PANK4: variants seen among roughly 807,000 people sequenced by gnomAD.
PANK4 encodes the protein pantothenate kinase 4 (inactive).
Under a neutral mutation model 87.9 loss-of-function variants are expected in PANK4, and 40 were observed. That is an observed-to-expected ratio of 0.46 (90% CI 0.35 to 0.59). The LOEUF is 0.59. Among genes scored for constraint, PANK4 ranks in the 20% least tolerant of loss-of-function variants. The probability of loss-of-function intolerance (pLI) is 0.00; values close to 1 mark genes in which losing one functional copy is unlikely to be tolerated. For missense variants in PANK4, 926 were observed against 1,072.3 expected, an observed-to-expected ratio of 0.86 and a Z score of 1.90; for synonymous variants, 524 against 467.4, an observed-to-expected ratio of 1.12 and a Z score of -1.56.
At chr1:2,518,655 G>C (rs375867412) in intron 7 of PANK4, 58 bp from the exon 8 acceptor site, 2 of 1,402,372 alleles carry the variant, frequency 1.4e-6, no homozygotes, top group Admixed American at 2.0e-5. Context: ...CGGTGCCTCC[G>C]CAAACCAGCT....
chr1:2,510,047 C>T lies in PANK4; in HGVS notation c.2039+10G>A. 1 of 1,601,682 alleles carries T rather than the reference C, an allele frequency of 6.2e-7. No individual in the cohort carries two copies. Among genetic ancestry groups the T allele is most frequent in the Non-Finnish European group, 8.5e-7 (1 of 1,172,358 alleles). ...TCAAGGCCCCCCCAGCACTGCCCGC[C>T]AACACTCACTGCACGACAGGGTCCA... On this transcript the variant is annotated intron_variant, in intron 17 of 18. Transcript: ENST00000378466. The surrounding 1 kb of genome is among the most constrained non-coding windows in gnomAD (Gnocchi z 4.9).
chr1:2,521,329 T>C lies in PANK4; in HGVS notation c.208-14A>G. On this transcript the variant is annotated splice_polypyrimidine_tract_variant and intron_variant, in intron 2 of 18. Coordinates refer to ENST00000378466, the MANE Select transcript of PANK4 (RefSeq NM_018216.4). ...ACGTTCTGTGTCCTGGAAAACAGAG[T>C]AGGGGAGGCCGCATGTGTGTGGGAC... The C allele has an allele frequency of 6.2e-7, 1 of 1,600,916 alleles. No individual in the cohort carries two copies. The highest frequency in any genetic ancestry group is 2.2e-5 in the East Asian group (1 of 44,778).
At chr1:2,514,133 A>C (rs1251463412) in intron 11 of PANK4, 44 bp from the exon 12 acceptor site, 2 of 1,492,358 alleles carry the variant, frequency 1.3e-6, no homozygotes, top group South Asian at 2.3e-5. Flanking sequence ...GGCAGGCCGA[A>C]CACCCGCCCG....
At position 2,519,314 on chromosome 1, in the gene PANK4, T is replaced by C; in HGVS notation, c.864A>G (p.Lys288=). The change falls in exon 7 of 19, where the codon AAA becomes AAG. Residue 288 remains lysine (K), a synonymous_variant. Transcript: ENST00000378466. The surrounding 1 kb of genome is among the most constrained non-coding windows in gnomAD (Gnocchi z 8.3). ...GCAGCAGGCTCTTCGCCATGTCTTC[T>C]TTGGAGAACTCTGAGGAAGGGAAGG... is the stretch of plus-strand genomic sequence containing the variant. The part of the protein sequence containing the change: ...KSATADQEFS[K]EDMAKSLLHM... 6.2e-7 allele frequency: 1 copy of C among 1,606,022 alleles called. No individual in the cohort carries two copies. Among genetic ancestry groups the C allele is most frequent in the South Asian group, 1.1e-5 (1 of 90,826 alleles).
intron 13 of PANK4, 68 bp downstream of exon 13, chr1:2,512,820 C>A: frequency 1.3e-6 from 2 of 1,533,934 alleles, no homozygotes; most frequent in Non-Finnish European, 1.8e-6. Flanking sequence ...CACCTCCTTG[C>A]CCGCAAGCCT....
chr1:2,514,503 G>A, intron 10 of PANK4, 37 bp from the exon 11 acceptor site: 4 of 1,512,476 alleles, frequency 2.6e-6, no homozygotes, highest in Non-Finnish European at 3.6e-6. Flanking sequence ...GTCAAGCGCT[G>A]GCCCTGCTGC....
At position 2,510,731 on chromosome 1, in the gene PANK4, T is replaced by C. The variant is rs942764661; in HGVS notation, c.1885A>G (p.Ile629Val). ...LIFADNSGID[I>V]ILGVFPFVRE... ...ACAAAGGGGAAGACTCCCAAAATGA[T>C]GTCTATTCCACTGTTATCTGCGAAA... is the stretch of plus-strand genomic sequence containing the variant. Residue 629 changes from isoleucine (I) to valine (V), a missense_variant, in exon 16 of 19, where the codon ATC (isoleucine) becomes GTC (valine). Coordinates refer to ENST00000378466, the MANE Select transcript of PANK4 (RefSeq NM_018216.4). This position sits in a 1 kb window ranked among gnomAD's most constrained non-coding sequence, Gnocchi z 4.9. 2.5e-6 allele frequency: 4 copies of C among 1,612,516 alleles called. No individual in the cohort carries two copies. Among genetic ancestry groups the C allele is most frequent in the Non-Finnish European group, 3.4e-6 (4 of 1,179,294 alleles).
Position 2,509,029 on chromosome 1 carries a change from G to T in PANK4, c.2140C>A (p.Arg714=). 1.9e-6 allele frequency: 3 copies of T among 1,601,834 alleles called. No homozygotes were observed. Among genetic ancestry groups the T allele is most frequent in the Non-Finnish European group, 2.5e-6 (3 of 1,179,308 alleles). ...RLDKGLAALV[R]ERGADLVVIE... ...ACCACCAGATCCGCGCCACGCTCCC[G>T]CACCAGTGCGGCCAGCCCCTTATCC... The change falls in exon 19 of 19, where the codon CGG becomes AGG. Residue 714 remains arginine, a synonymous_variant. Coordinates refer to ENST00000378466, the MANE Select transcript of PANK4 (RefSeq NM_018216.4). This position sits in a 1 kb window ranked among gnomAD's most constrained non-coding sequence, Gnocchi z 4.9.
rs1385533174 is a variant in PANK4 at position 2,520,399 on chromosome 1, T to C, written c.622A>G (p.Arg208Gly). ...VSIVKVETED[R>G]FEWVGGSSIG... ...GAGCTGCCGCCGACCCACTCGAACC[T>C]GTCCTCCGTCTCCACCTGCAACAGA... The change falls in exon 5 of 19, where the codon AGG becomes GGG. Residue 208 changes from arginine to glycine, a missense_variant. Coordinates refer to ENST00000378466, the MANE Select transcript of PANK4 (RefSeq NM_018216.4). This position sits in a 1 kb window ranked among gnomAD's most constrained non-coding sequence, Gnocchi z 6.2. 13 of 1,612,690 alleles carry C rather than the reference T, an allele frequency of 8.1e-6. No homozygotes were observed. The highest frequency in any genetic ancestry group is 2.2e-5 in the South Asian group (2 of 91,084).
At position 2,511,406 on chromosome 1, in the gene PANK4, C is replaced by G. The variant is rs769237994; in HGVS notation, c.1784-19G>C. On this transcript the variant is annotated intron_variant, in intron 14 of 18. Coordinates refer to ENST00000378466, the MANE Select transcript of PANK4 (RefSeq NM_018216.4). ...GGTCTTTCTGAGACAGAGAGAGGGA[C>G]ACATGATTAGCCCGGTGCTCCAGGT... 23 of 1,593,426 alleles carry G rather than the reference C, an allele frequency of 1.4e-5. No homozygotes were observed. Among genetic ancestry groups the G allele is most frequent in the Middle Eastern group, 1.7e-4 (1 of 6,046 alleles).
Position 2,509,914 on chromosome 1 carries a change from C to G in PANK4, c.2056G>C (p.Glu686Gln), listed in dbSNP as rs1274694425. ...DPVVHSALQEERLLLVQTGSS... is the reference protein window; with the variant it reads ...DPVVHSALQEQRLLLVQTGSS... ...CCCGTCTGCACCAGCAGCAGCCTCT[C>G]TTCCTGGAGCGCAGAGCTGCCAGAT... The change falls in exon 18 of 19, where the codon GAG (glutamate) becomes CAG (glutamine). Residue 686 changes from glutamate to glutamine, a missense_variant. Coordinates refer to ENST00000378466, the MANE Select transcript of PANK4 (RefSeq NM_018216.4). The surrounding 1 kb of genome is among the most constrained non-coding windows in gnomAD (Gnocchi z 4.9). 1 of 1,612,260 alleles carries G rather than the reference C, an allele frequency of 6.2e-7. No individual in the cohort carries two copies. The highest frequency in any genetic ancestry group is 8.5e-7 in the Non-Finnish European group (1 of 1,179,820).
At chr1:2,518,310 T>A (rs1643821531) in intron 8 of PANK4, 46 bp from the exon 9 acceptor site, 1 of 1,385,618 alleles carries the variant, frequency 7.2e-7, no homozygotes, top group Middle Eastern at 1.8e-4. Context: ...TTGCCCTTGA[T>A]TCAAAAGCAG....
chr1:2,520,261 C>CG lies in PANK4; in HGVS notation c.699+60dup. ...TTTGCACCGCCCAGCTGCAGGCCTT[C>CG]GGGGGAAGGAAGCAGACATCTCCGC... On this transcript the variant is annotated intron_variant, in intron 5 of 18. Coordinates refer to ENST00000378466, the MANE Select transcript of PANK4 (RefSeq NM_018216.4). The surrounding 1 kb of genome is among the most constrained non-coding windows in gnomAD (Gnocchi z 6.2). 6.7e-7 allele frequency: 1 copy of CG among 1,502,646 alleles called. No homozygotes were observed. 93.1% of individuals were successfully genotyped at this position (1,502,646 alleles called of 1,614,324 possible). A position where few individuals can be genotyped will look rare whatever the true frequency, so the allele number is the denominator to read the frequency against.
intron 9 of PANK4, among the ~76,000 whole-genome samples, chr1:2,516,296 G>A (rs1353006172): frequency 2.0e-5 from 3 of 152,126 alleles, no homozygotes; most frequent in African/African-American, 4.8e-5. Context: ...CTCCCAGCAC[G>A]TTCTGTCCAT....
rs1158469833 is a variant in PANK4, at chr1:2,509,488, T to C, written c.2108+374A>G. 2.0e-5 allele frequency among the ~76,000 whole-genome samples: 3 copies of C among 152,080 alleles called. No individual in the cohort carries two copies. The highest frequency in any genetic ancestry group is 6.5e-5 in the Admixed American group (1 of 15,270). ...GAGGACAGACAGCACCACATACAAT[T>C]GACTAATGACCTCCAGAACCACAGA... On this transcript the variant is annotated intron_variant, in intron 18 of 18. Coordinates refer to ENST00000378466, the MANE Select transcript of PANK4 (RefSeq NM_018216.4). The surrounding 1 kb of genome is among the most constrained non-coding windows in gnomAD (Gnocchi z 4.9).
In PANK4 at chr1:2,514,561, C is replaced by T. The variant is rs1480538390; in HGVS notation, c.1375-95G>A. The T allele has an allele frequency of 3.8e-4, 51 of 135,406 alleles. 1 individual carries two copies. The highest frequency in any genetic ancestry group is 2.9e-3 in the African/African-American group (24 of 8,234). The allele number at this position is 135,406 out of a possible 1,614,324, so 8.4% of individuals were successfully genotyped here. Reference sequence around the variant, plus strand: ...AGGGGGCTCGGGGAAGGGTGGGGGTCGGCCGTGGGGGACTGTCTGGGGCAG... The same window carrying T: ...AGGGGGCTCGGGGAAGGGTGGGGGTTGGCCGTGGGGGACTGTCTGGGGCAG... On this transcript the variant is annotated intron_variant, in intron 10 of 18. Transcript: ENST00000378466.
chr1:2,517,207 T>G (rs1015030524), intron 9 of PANK4, among the ~76,000 whole-genome samples: 2 of 152,172 alleles, frequency 1.3e-5, no homozygotes, highest in Non-Finnish European at 2.9e-5. Context: ...CCCTGCCTAG[T>G]GCTGGCGGTG....
chr1:2,511,242 C>G (rs1280698519), intron 15 of PANK4, 96 bp downstream of exon 15: 81 of 810,438 alleles, frequency 1.0e-4, no homozygotes, highest in Admixed American at 2.1e-4. Context: ...GAGGGGAGGG[C>G]CACCCGAGGC....
In PANK4 at chr1:2,522,943, G is replaced by A. The variant is rs12739231; in HGVS notation, c.125-1143C>T. ...GGTGCTATAGTGACTTAACAGAGGG[G>A]ACCGTGTGGTGTTATAGTGACTTAA... is the stretch of plus-strand genomic sequence containing the variant. On this transcript the variant is annotated intron_variant, in intron 1 of 18. Transcript: ENST00000378466. Among the ~76,000 whole-genome samples, 42 of 40,530 alleles carry A rather than the reference G, an allele frequency of 1.0e-3. 2 individuals are homozygous for A. The East Asian group carries it at 0.026, about 25-fold the overall frequency. The allele number at this position is 40,530 out of a possible 152,430, so 26.6% of individuals were successfully genotyped here. A position where few individuals can be genotyped will look rare whatever the true frequency, so the allele number is the denominator to read the frequency against.
Sources: allele counts gnomAD v4.1 joint callset (sites outside exome capture counted in the v4.1 genomes callset), GRCh38; gene constraint gnomAD v4.1.1; non-coding constraint Gnocchi (gnomAD v3.1); transcripts MANE v1.5; gene names NCBI Gene and HGNC (gene_info 2026-07-23, HGNC 2026-07-21).